MORC1: variants seen among roughly 807,000 people sequenced by gnomAD.
MORC1 encodes MORC family CW-type zinc finger 1.
A neutral mutation model predicts 134.9 loss-of-function variants in MORC1; 59 were observed. The observed-to-expected ratio is 0.44, with a 90% confidence interval of 0.35 to 0.54. MORC1 has a LOEUF of 0.54. MORC1 is among the 20% of genes least tolerant of loss of function. MORC1 has a pLI of 0.00. For missense variants in MORC1, 947 were observed against 1,134.5 expected (o/e 0.83, Z 2.37); for synonymous variants, 395 against 391.7 (o/e 1.01, Z -0.10).
chr3:109,107,243 C>T (rs968436127), intron 3 of MORC1, among the ~76,000 whole-genome samples: 3 of 152,014 alleles, frequency 2.0e-5, no homozygotes, highest in African/African-American at 7.3e-5. Context: ...ATTAATGACC[C>T]CTTTATCTCT....
intron 23 of MORC1, among the ~76,000 whole-genome samples, chr3:108,983,065 T>G (rs1256945336): frequency 6.6e-6 from 1 of 151,916 alleles, no homozygotes; most frequent in Admixed American, 6.6e-5. Context: ...AAGTATTACA[T>G]GAAATAATAT....
intron 2 of MORC1, among the ~76,000 whole-genome samples, chr3:109,113,969 A>G (rs1951222265): frequency 6.6e-6 from 1 of 152,232 alleles, no homozygotes; most frequent in African/African-American, 2.4e-5. Flanking sequence ...GCTCATATAT[A>G]AAGTGCTTAT....
rs773555425 is a variant in MORC1 at position 109,027,833 on chromosome 3, G to A, written c.1622C>T (p.Ser541Leu). ...SIPLGTMSTI[S>L]PSKNEKEKQL... ...CTTCTCTTTCTCATTTTTTGATGGT[G>A]ATATTGTGCTCATGGTGCCCAGTGG... The change falls in exon 17 of 28, where the codon TCA becomes TTA. Residue 541 changes from serine (S) to leucine (L), a missense_variant. Physicochemically the swap from Ser to Leu is moderately radical, Grantham distance 145. This residue lies in a region of MORC1 where 722 missense variants were observed against 817.0 expected (regional missense o/e 0.88). Transcript: ENST00000232603. 1.9e-6 allele frequency: 3 copies of A among 1,613,776 alleles called. No individual in the cohort carries two copies. The highest frequency in any genetic ancestry group is 2.5e-6 in the Non-Finnish European group (3 of 1,179,838).
At chr3:109,056,423 T>C (rs1350093774) in intron 13 of MORC1, among the ~76,000 whole-genome samples, 1 of 152,110 alleles carries the variant, frequency 6.6e-6, no homozygotes, top group Non-Finnish European at 1.5e-5. Flanking sequence ...GAGACGGGGT[T>C]TCACCGTGCT....
At chr3:109,086,956 T>C (rs950757583) in intron 8 of MORC1, among the ~76,000 whole-genome samples, 1 of 152,096 alleles carries the variant, frequency 6.6e-6, no homozygotes, top group Non-Finnish European at 1.5e-5. Flanking sequence ...AAGATAGATT[T>C]AAATCCCAAG....
chr3:109,114,259 G>T, intron 2 of MORC1, 125 bp downstream of exon 2: 3 of 757,272 alleles, frequency 4.0e-6, no homozygotes, highest in South Asian at 2.6e-5. Flanking sequence ...GATTTTATAG[G>T]AAATCAAGTC....
At chr3:109,049,665 G>A (rs1435985015) in intron 14 of MORC1, among the ~76,000 whole-genome samples, 3 of 152,260 alleles carry the variant, frequency 2.0e-5, no homozygotes, top group African/African-American at 7.2e-5. Context: ...TAAGAAAAGA[G>A]AGGTATGGCT....
At chr3:109,035,254 TC>T (rs1949347082) in intron 15 of MORC1, 85 bp downstream of exon 15, 2 of 1,251,894 alleles carry the variant, frequency 1.6e-6, no homozygotes, top group South Asian at 1.4e-5. Flanking sequence ...TACCTTTGTC[TC>T]CCTCATCCCT....
intron 5 of MORC1, among the ~76,000 whole-genome samples, chr3:109,099,738 C>T (rs1352114726): frequency 6.6e-6 from 1 of 151,920 alleles, no homozygotes; most frequent in Non-Finnish European, 1.5e-5. Flanking sequence ...AGGTAGGAGC[C>T]GTACAAGTGA....
chr3:109,031,124 G>GA (rs1355005068), intron 16 of MORC1, among the ~76,000 whole-genome samples: 2 of 152,170 alleles, frequency 1.3e-5, no homozygotes, highest in Non-Finnish European at 2.9e-5. Context: ...GAAGGTAAGG[G>GA]AAACTGCAGA....
chr3:109,108,515 C>T (rs1471464122), intron 3 of MORC1, among the ~76,000 whole-genome samples: 1 of 152,136 alleles, frequency 6.6e-6, no homozygotes, highest in Non-Finnish European at 1.5e-5. Flanking sequence ...AGGTAATTCC[C>T]ATAGCCATAC....
chr3:108,966,783 G>T (rs1240726842), intron 26 of MORC1, among the ~76,000 whole-genome samples: 3 of 152,076 alleles, frequency 2.0e-5, no homozygotes, highest in Non-Finnish European at 4.4e-5. Flanking sequence ...GAGTATTTTG[G>T]GGAATATCAG....
chr3:109,107,839 T>G (rs1951071573), intron 3 of MORC1, among the ~76,000 whole-genome samples: 1 of 152,292 alleles, frequency 6.6e-6, no homozygotes, highest in East Asian at 1.9e-4. Context: ...CATGAATAGG[T>G]AATTTTAAGC....
intron 27 of MORC1, among the ~76,000 whole-genome samples, chr3:108,959,569 G>T (rs1192706830): frequency 6.6e-6 from 1 of 151,974 alleles, no homozygotes; most frequent in African/African-American, 2.4e-5. Flanking sequence ...TTACTACCCT[G>T]GTCTGTCTCC....
At chr3:109,072,974 C>T (rs953342760) in intron 8 of MORC1, among the ~76,000 whole-genome samples, 2 of 150,880 alleles carry the variant, frequency 1.3e-5, no homozygotes, top group South Asian at 4.2e-4. Flanking sequence ...CATACACACA[C>T]ACACACACAC....
At chr3:109,007,962 T>C (rs559165670) in intron 17 of MORC1, among the ~76,000 whole-genome samples, 1 of 152,244 alleles carries the variant, frequency 6.6e-6, no homozygotes, top group South Asian at 2.1e-4. Context: ...TGTGTGTGTG[T>C]GTATACATAT....
chr3:108,984,851 T>C (rs375787915), intron 22 of MORC1, 69 bp from the exon 23 acceptor site: 1 of 1,249,966 alleles, frequency 8.0e-7, no homozygotes, highest in Non-Finnish European at 1.1e-6. Context: ...AAAGAAATGT[T>C]AGCAGTTCAT....
intron 25 of MORC1, among the ~76,000 whole-genome samples, chr3:108,970,597 A>G (rs1947350430): frequency 6.6e-6 from 1 of 152,190 alleles, no homozygotes; most frequent in Non-Finnish European, 1.5e-5. Context: ...TGCATTCATA[A>G]TTTGTGCTAT....
intron 27 of MORC1, among the ~76,000 whole-genome samples, chr3:108,960,050 AAAAG>A (rs2107339992): frequency 6.8e-6 from 1 of 147,848 alleles, no homozygotes; most frequent in African/African-American, 2.7e-5. Context: ...TAATTTTTTA[AAAAG>A]AGAGAAATCA....
Sources: allele counts gnomAD v4.1 joint callset (sites outside exome capture counted in the v4.1 genomes callset), GRCh38; gene constraint gnomAD v4.1.1; regional missense constraint gnomAD v4.1.1; transcripts MANE v1.5; gene names NCBI Gene and HGNC (gene_info 2026-07-23, HGNC 2026-07-21).